The following CIMIP2A variants were observed in gnomAD, a reference collection of about 807,000 sequenced individuals.
CIMIP2A encodes ciliary microtubule inner protein 2A.
At chr9:137,244,893 G>T in the CIMIP2A span, 2 of 1,576,932 alleles carry the variant, frequency 1.3e-6, no homozygotes. Flanking sequence ...GAACAGGCAG[G>T]CAAGGCACCG....
At chr9:137,243,767 A>G in the CIMIP2A span, 1 of 1,613,842 alleles carries the variant, frequency 6.2e-7, no homozygotes, top group Non-Finnish European at 8.5e-7. Flanking sequence ...GCCGAATGTC[A>G]GGGCGTAGTT....
the CIMIP2A span, chr9:137,245,624 G>C: frequency 3.6e-5 from 58 of 1,610,784 alleles, no homozygotes; most frequent in Non-Finnish European, 4.8e-5. Flanking sequence ...GCAGGGCTGG[G>C]GACTGGCAGC....
At chr9:137,244,986 AG>A in the CIMIP2A span, 1 of 1,607,534 alleles carries the variant, frequency 6.2e-7, no homozygotes. Context: ...GTTCTGGAGC[AG>A]GAAAAGTGGG....
At chr9:137,255,117 G>A in the CIMIP2A span, 31 of 161,788 alleles carry the variant, frequency 1.9e-4, no homozygotes, top group East Asian at 4.0e-3. Context: ...GACGGACCCT[G>A]AGTCCGCCCC....
chr9:137,247,104 A>T, the CIMIP2A span, among the ~76,000 whole-genome samples: 1 of 152,120 alleles, frequency 6.6e-6, no homozygotes, highest in South Asian at 2.1e-4. Flanking sequence ...TGACCAACAT[A>T]AAGAAACCTC....
the CIMIP2A span, among the ~76,000 whole-genome samples, chr9:137,255,019 G>T: frequency 6.6e-6 from 1 of 152,342 alleles, no homozygotes; most frequent in East Asian, 1.9e-4. Flanking sequence ...TCCCCGCTGC[G>T]CGTGGCTGCC....
At chr9:137,245,749 G>A in the CIMIP2A span, 2 of 1,588,920 alleles carry the variant, frequency 1.3e-6, no homozygotes, top group Admixed American at 1.7e-5. Flanking sequence ...GGACAGCACA[G>A]AGCAGGGGCT....
the CIMIP2A span, chr9:137,244,856 T>C: frequency 1.9e-6 from 3 of 1,564,984 alleles, no homozygotes; most frequent in Non-Finnish European, 2.6e-6. Context: ...CCCTGAACGT[T>C]GGCGACTGTC....
the CIMIP2A span, chr9:137,251,282 C>A: frequency 3.6e-5 from 58 of 1,596,762 alleles, no homozygotes; most frequent in Non-Finnish European, 4.9e-5. Flanking sequence ...AGCCAGGAGA[C>A]TCTGATGATG....
the CIMIP2A span, among the ~76,000 whole-genome samples, chr9:137,247,357 G>A: frequency 2.6e-4 from 39 of 152,368 alleles, 1 homozygote; most frequent in East Asian, 2.3e-3. Flanking sequence ...CTTACTAGCC[G>A]GCCTCTGCCG....
At chr9:137,249,605 C>T in the CIMIP2A span, among the ~76,000 whole-genome samples, 2 of 152,158 alleles carry the variant, frequency 1.3e-5, no homozygotes, top group African/African-American at 4.8e-5. Flanking sequence ...GTCTTAAGAC[C>T]CTTCCAGGAG....
the CIMIP2A span, chr9:137,247,673 G>A: frequency 6.2e-7 from 1 of 1,613,340 alleles, no homozygotes. Flanking sequence ...GGGACATAGT[G>A]AGGCTCCGGC....
the CIMIP2A span, chr9:137,252,032 C>T: frequency 1.5e-5 from 24 of 1,612,612 alleles, no homozygotes; most frequent in Middle Eastern, 1.6e-4. Flanking sequence ...TCACAGCTGA[C>T]CTGGAAGTCC....
At chr9:137,252,997 A>T in the CIMIP2A span, 1 of 1,418,996 alleles carries the variant, frequency 7.0e-7, no homozygotes, top group African/African-American at 1.4e-5. Flanking sequence ...AGGGCTAGGG[A>T]TGGGGCATGG....
chr9:137,248,341 G>A, the CIMIP2A span, among the ~76,000 whole-genome samples: 1 of 151,478 alleles, frequency 6.6e-6, no homozygotes, highest in African/African-American at 2.4e-5. Flanking sequence ...TCAGGAGTTC[G>A]AGACCAGCCT....
chr9:137,245,081 A>C, the CIMIP2A span: 1 of 1,610,476 alleles, frequency 6.2e-7, no homozygotes, highest in Non-Finnish European at 8.5e-7. Context: ...GCCCAGGCCC[A>C]CACCCACCTG....
the CIMIP2A span, chr9:137,252,078 G>C: frequency 3.1e-6 from 5 of 1,612,716 alleles, no homozygotes; most frequent in Non-Finnish European, 3.4e-6. Context: ...GAGCCCGTCC[G>C]TACGAGAGTC....
the CIMIP2A span, chr9:137,253,117 C>A: frequency 1.3e-6 from 2 of 1,564,626 alleles, no homozygotes; most frequent in South Asian, 1.2e-5. Context: ...TTCGGCAGCC[C>A]GAACCCCTGG....
the CIMIP2A span, among the ~76,000 whole-genome samples, chr9:137,249,017 G>T: frequency 2.2e-4 from 33 of 149,830 alleles, no homozygotes; most frequent in Non-Finnish European, 3.1e-4. Flanking sequence ...AGACTAATAT[G>T]GTTTTTTTTT....
Sources: gnomAD v4.1 joint callset for allele counts (sites outside exome capture counted in the v4.1 genomes callset) on GRCh38, gnomAD v4.1.1 for gene constraint, MANE v1.5 for transcripts, NCBI Gene and HGNC (gene_info 2026-07-23, HGNC 2026-07-21) for gene names.